TPO: variants seen among roughly 807,000 people sequenced by gnomAD.
The protein encoded by TPO is thyroid peroxidase.
A neutral mutation model predicts 96.9 loss-of-function variants in TPO; 78 were observed. The ratio of observed to expected loss-of-function variants is 0.81; its 90% CI spans 0.67 to 0.97. The LOEUF (loss-of-function observed/expected upper bound fraction) is 0.97, where lower values mean the gene tolerates loss of function less well. TPO is among the 50% of genes least tolerant of loss of function. The probability of loss-of-function intolerance (pLI) is 0.00; values close to 1 mark genes in which losing one functional copy is unlikely to be tolerated. For synonymous variants in TPO, 547 were observed against 538.0 expected (o/e 1.02, Z -0.23); for missense variants, 1,252 against 1,274.8 (o/e 0.98, Z 0.27).
At chr2:1,509,945 C>A (rs889368118) in intron 14 of TPO, among the ~76,000 whole-genome samples, 1 of 151,964 alleles carries the variant, frequency 6.6e-6, no homozygotes, top group East Asian at 1.9e-4. Flanking sequence ...CACACCCCCC[C>A]TCTTCTTTCA....
chr2:1,408,644 C>T (rs984070607), upstream of TPO, among the ~76,000 whole-genome samples: 3 of 152,134 alleles, frequency 2.0e-5, no homozygotes, highest in African/African-American at 4.8e-5. Flanking sequence ...ATAGCAGAGG[C>T]GGAAGAGCCG....
intron 14 of TPO, among the ~76,000 whole-genome samples, chr2:1,513,906 A>G (rs961088247): frequency 3.9e-5 from 6 of 152,218 alleles, no homozygotes; most frequent in African/African-American, 9.6e-5. Flanking sequence ...AGCTATACCT[A>G]TGTAAGTTTA....
intron 5 of TPO, among the ~76,000 whole-genome samples, chr2:1,447,795 T>G (rs1355495178): frequency 6.6e-6 from 1 of 152,180 alleles, no homozygotes; most frequent in African/African-American, 2.4e-5. Context: ...CTTTACCCAG[T>G]GAACTGCACC....
At chr2:1,438,076 T>C (rs1665768291) in intron 5 of TPO, among the ~76,000 whole-genome samples, 1 of 151,458 alleles carries the variant, frequency 6.6e-6, no homozygotes, top group Admixed American at 6.6e-5. Flanking sequence ...GGTGCACTGT[T>C]GAGTCAGAAG....
At position 1,397,602 on chromosome 2, in the gene TPO, G is replaced by A. The variant is rs541267548; in HGVS notation, n.180+23200G>A. Among the ~76,000 whole-genome samples, 206 of 152,306 alleles carry A rather than the reference G, an allele frequency of 1.4e-3. 6 individuals carry two copies. The highest frequency in any genetic ancestry group is 0.013 in the Admixed American group (203 of 15,298). ...TCCTGAGTCTGAGGAAAAGCACAGA[G>A]GCTCATTCTAGTCTGTGCTGGAGTG... On this transcript the variant is annotated intron_variant and non_coding_transcript_variant, in intron 1 of 5. Transcript: ENST00000497517.
intron 14 of TPO, among the ~76,000 whole-genome samples, chr2:1,507,409 A>T (rs544103702): frequency 1.3e-5 from 2 of 152,272 alleles, no homozygotes; most frequent in South Asian, 4.1e-4. Context: ...AGTTTTTTCC[A>T]ATTCTGTGAA....
intron 8 of TPO, among the ~76,000 whole-genome samples, chr2:1,481,798 C>G (rs546438168): frequency 1.3e-5 from 2 of 152,212 alleles, no homozygotes; most frequent in African/African-American, 4.8e-5. Flanking sequence ...GGCCCCATCC[C>G]CCAGTGGCCT....
intron 13 of TPO, 47 bp downstream of exon 13, chr2:1,496,812 G>A (rs370278789): frequency 2.3e-5 from 37 of 1,612,334 alleles, no homozygotes; most frequent in Middle Eastern, 1.7e-4. Flanking sequence ...GAATGTTTCC[G>A]ATATAAGTTA....
At chr2:1,404,319 A>G (rs935455711) in intron 1 of TPO, among the ~76,000 whole-genome samples, 1 of 152,168 alleles carries the variant, frequency 6.6e-6, no homozygotes, top group African/African-American at 2.4e-5. Context: ...TGGTACCCAA[A>G]GAGGAGTAGA....
In TPO at chr2:1,459,678, C is replaced by A. The variant is rs138579547; in HGVS notation, c.819+3396C>A. On this transcript the variant is annotated intron_variant, in intron 7 of 16. Transcript: ENST00000329066. ...CAGAGGAGGTCCCAGTGGGCAAAAT[C>A]AAGACATCTAAACAAAATATCCCAA... Among the ~76,000 whole-genome samples, 517 of 152,240 alleles carry A rather than the reference C, an allele frequency of 3.4e-3. 3 individuals are homozygous for A. Among genetic ancestry groups the A allele is most frequent in the Non-Finnish European group, 5.6e-3 (381 of 68,010 alleles).
intron 15 of TPO, among the ~76,000 whole-genome samples, chr2:1,528,544 C>T (rs1677169433): frequency 6.9e-6 from 1 of 144,860 alleles, no homozygotes. Flanking sequence ...TCCTCAAATC[C>T]CTCCCACTCT....
chr2:1,482,582 C>T (rs1670751727), intron 8 of TPO, among the ~76,000 whole-genome samples: 1 of 152,220 alleles, frequency 6.6e-6, no homozygotes, highest in African/African-American at 2.4e-5. Flanking sequence ...TCAGAGTAAC[C>T]ATTTCCCCCA....
In TPO at chr2:1,500,623, C is replaced by G. The variant is rs1046616672; in HGVS notation, c.2387-3325C>G. On this transcript the variant is annotated intron_variant, in intron 13 of 16. Coordinates refer to ENST00000329066, the MANE Select transcript of TPO (RefSeq NM_001206744.2). ...AGAAAAACAAATAGTATTCGCTGCT[C>G]TCTTCTCTATTCAAATTCTACTTAT... 2.0e-5 allele frequency among the ~76,000 whole-genome samples: 3 copies of G among 152,016 alleles called. No individual in the cohort carries two copies. In the South Asian group the frequency reaches 6.3e-4, roughly 32 times the overall value.
At chr2:1,540,133 C>T (rs1680561114) in intron 15 of TPO, among the ~76,000 whole-genome samples, 1 of 152,148 alleles carries the variant, frequency 6.6e-6, no homozygotes, top group Non-Finnish European at 1.5e-5. Context: ...TGGGACGGCG[C>T]TTCCTCCCCC....
intron 1 of TPO, among the ~76,000 whole-genome samples, chr2:1,400,420 G>A (rs1396539223): frequency 6.6e-6 from 1 of 151,972 alleles, no homozygotes; most frequent in African/African-American, 2.4e-5. Flanking sequence ...TTGAATTTGG[G>A]AGGCAAAGAT....
At chr2:1,520,584 A>G (rs1432140685) in intron 15 of TPO, among the ~76,000 whole-genome samples, 1 of 152,198 alleles carries the variant, frequency 6.6e-6, no homozygotes, top group South Asian at 2.1e-4. Flanking sequence ...TAATGTGACA[A>G]ATTGTTGATA....
At chr2:1,422,435 C>T (rs540845065) in intron 2 of TPO, among the ~76,000 whole-genome samples, 49 of 50,622 alleles carry the variant, frequency 9.7e-4, no homozygotes, top group Non-Finnish European at 1.3e-3. Context: ...CCCTCAGGGA[C>T]TTCTATTTGC....
At chr2:1,480,291 C>CA in intron 8 of TPO, among the ~76,000 whole-genome samples, 1 of 151,750 alleles carries the variant, frequency 6.6e-6, no homozygotes, top group Admixed American at 6.6e-5. Context: ...GTGCTTTTTG[C>CA]AAAAACCTTT....
chr2:1,503,862 G>C, intron 13 of TPO, 86 bp from the exon 14 acceptor site: 1 of 1,610,732 alleles, frequency 6.2e-7, no homozygotes, highest in Admixed American at 1.7e-5. Context: ...TCCCCAGAGA[G>C]AAGCACCTCC....
Sources: gnomAD v4.1 joint callset for allele counts (sites outside exome capture counted in the v4.1 genomes callset) on GRCh38, gnomAD v4.1.1 for gene constraint, MANE v1.5 for transcripts, NCBI Gene and HGNC (gene_info 2026-07-23, HGNC 2026-07-21) for gene names.